Variants in CNTN4 observed in about 807,000 individuals in gnomAD.
CNTN4 encodes the protein contactin 4.
In CNTN4, 77 loss-of-function variants were observed where a neutral mutation model predicts 122.5. The ratio of observed to expected loss-of-function variants is 0.63; its 90% CI spans 0.52 to 0.76. The LOEUF (loss-of-function observed/expected upper bound fraction) is 0.76, where lower values mean the gene tolerates loss of function less well. CNTN4 is among the 30% of genes least tolerant of loss of function. The pLI, the probability that CNTN4 is intolerant of heterozygous loss-of-function variation, is 0.00. For synonymous variants in CNTN4, 512 were observed against 447.0 expected (o/e 1.15, Z -1.83); for missense variants, 1,256 against 1,259.1 (o/e 1.00, Z 0.04).
At chr3:2,546,298 A>G (rs1007376541) in intron 3 of CNTN4, among the ~76,000 whole-genome samples, 24 of 151,584 alleles carry the variant, frequency 1.6e-4, no homozygotes, top group African/African-American at 5.8e-4. Context: ...AGTTTGGTAC[A>G]TATATACAAT....
At chr3:2,759,149 C>G (rs1306822353) in intron 6 of CNTN4, among the ~76,000 whole-genome samples, 1 of 151,980 alleles carries the variant, frequency 6.6e-6, no homozygotes, top group Non-Finnish European at 1.5e-5. Flanking sequence ...TGTATTAGTA[C>G]TTCATTTCTT....
chr3:2,311,094 C>T (rs1211056066), intron 2 of CNTN4, among the ~76,000 whole-genome samples: 2 of 152,020 alleles, frequency 1.3e-5, no homozygotes, highest in Admixed American at 6.6e-5. Context: ...AAAAACACAC[C>T]TACCTTTCCC....
At chr3:2,253,590 A>G (rs1477565906) in intron 2 of CNTN4, among the ~76,000 whole-genome samples, 2 of 151,956 alleles carry the variant, frequency 1.3e-5, no homozygotes, top group Admixed American at 1.3e-4. Context: ...ACTACTACTA[A>G]TCTCATCTTT....
chr3:2,564,135 T>C (rs2079061917), intron 3 of CNTN4, among the ~76,000 whole-genome samples: 1 of 152,188 alleles, frequency 6.6e-6, no homozygotes, highest in Non-Finnish European at 1.5e-5. Context: ...ATAAGCATGT[T>C]ATTTTTTCAA....
chr3:2,313,573 A>G lies in CNTN4; in HGVS notation c.-144-25605A>G, dbSNP rs144707325. 3.1e-3 allele frequency among the ~76,000 whole-genome samples: 474 copies of G among 152,162 alleles called. 5 individuals are homozygous for G. Among genetic ancestry groups the G allele is most frequent in the African/African-American group, 0.011 (450 of 41,550 alleles). On this transcript the variant is annotated intron_variant, in intron 2 of 24. Coordinates refer to ENST00000418658, the MANE Select transcript of CNTN4 (RefSeq NM_175607.3). ...TTTTAAACACCTGAAACAGAATCTG[A>G]CGCTCAGAATAAATATCAGGGCCGG...
At chr3:2,769,356 C>T (rs1298919996) in intron 6 of CNTN4, among the ~76,000 whole-genome samples, 1 of 151,620 alleles carries the variant, frequency 6.6e-6, no homozygotes, top group Non-Finnish European at 1.5e-5. Flanking sequence ...TCCTAGCTAT[C>T]CTGGTGGCTG....
intron 4 of CNTN4, among the ~76,000 whole-genome samples, chr3:2,588,187 A>C (rs533474688): frequency 6.6e-6 from 1 of 152,312 alleles, no homozygotes; most frequent in South Asian, 2.1e-4. Context: ...GCACGTCCTC[A>C]GAAGACTCTG....
intron 7 of CNTN4, among the ~76,000 whole-genome samples, chr3:2,854,619 C>T (rs2093598630): frequency 6.6e-6 from 1 of 152,058 alleles, no homozygotes; most frequent in Non-Finnish European, 1.5e-5. Flanking sequence ...TTAATTTGTG[C>T]TCGTGATTTA....
At chr3:2,439,230 GAT>G (rs946332118) in intron 3 of CNTN4, among the ~76,000 whole-genome samples, 5 of 152,166 alleles carry the variant, frequency 3.3e-5, no homozygotes, top group African/African-American at 1.2e-4. Context: ...CACACCACCT[GAT>G]AACTTGTAAG....
At chr3:2,249,686 A>G (rs767314547) in intron 2 of CNTN4, among the ~76,000 whole-genome samples, 23 of 151,914 alleles carry the variant, frequency 1.5e-4, no homozygotes, top group Non-Finnish European at 2.8e-4. Context: ...ATGAGATTAA[A>G]TGAGCTGGAA....
At chr3:2,579,159 A>T (rs1434994852) in intron 4 of CNTN4, among the ~76,000 whole-genome samples, 2 of 152,244 alleles carry the variant, frequency 1.3e-5, no homozygotes, top group Non-Finnish European at 1.5e-5. Flanking sequence ...GCCATGCTGG[A>T]TGTCTTAACT....
intron 7 of CNTN4, among the ~76,000 whole-genome samples, chr3:2,856,117 C>G (rs1332186691): frequency 6.6e-6 from 1 of 152,128 alleles, no homozygotes; most frequent in African/African-American, 2.4e-5. Context: ...TGGAATTCCA[C>G]TTCGATTCAA....
At chr3:2,731,715 T>C (rs908450985) in intron 4 of CNTN4, among the ~76,000 whole-genome samples, 7 of 152,358 alleles carry the variant, frequency 4.6e-5, no homozygotes, top group Admixed American at 3.3e-4. Flanking sequence ...TCTCACCCTT[T>C]TGGGGACCCA....
At chr3:2,698,931 G>T (rs1194398108) in intron 4 of CNTN4, among the ~76,000 whole-genome samples, 1 of 152,104 alleles carries the variant, frequency 6.6e-6, no homozygotes, top group East Asian at 1.9e-4. Context: ...GCTGAGGCCG[G>T]AGAATTGCTG....
intron 4 of CNTN4, among the ~76,000 whole-genome samples, chr3:2,577,818 G>C (rs146204797): frequency 1.3e-5 from 2 of 152,102 alleles, no homozygotes; most frequent in Non-Finnish European, 2.9e-5. Context: ...GTGAATGAGC[G>C]CAGAAATTTA....
intron 2 of CNTN4, among the ~76,000 whole-genome samples, chr3:2,117,250 G>A (rs1172355071): frequency 1.3e-5 from 2 of 152,194 alleles, no homozygotes; most frequent in African/African-American, 4.8e-5. Context: ...ACAGAGCTCA[G>A]GGAAACACGT....
At chr3:2,840,653 C>G (rs555224165) in intron 7 of CNTN4, among the ~76,000 whole-genome samples, 2,168 of 144,138 alleles carry the variant, frequency 0.015, 88 homozygotes, top group African/African-American at 0.053. Flanking sequence ...GAGCCAAGAT[C>G]ACACCACTGC....
At chr3:2,570,000 G>A (rs2149484120) in intron 3 of CNTN4, among the ~76,000 whole-genome samples, 1 of 152,038 alleles carries the variant, frequency 6.6e-6, no homozygotes, top group Non-Finnish European at 1.5e-5. Context: ...CCTTGTGTCT[G>A]GCAAGCAGAA....
chr3:2,578,187 C>T (rs2079781404), intron 4 of CNTN4, among the ~76,000 whole-genome samples: 1 of 152,140 alleles, frequency 6.6e-6, no homozygotes, highest in South Asian at 2.1e-4. Flanking sequence ...ACAAAGAATG[C>T]TCATTGGTCT....
Sources: gnomAD v4.1 joint callset for allele counts (sites outside exome capture counted in the v4.1 genomes callset) on GRCh38, gnomAD v4.1.1 for gene constraint, MANE v1.5 for transcripts, NCBI Gene and HGNC (gene_info 2026-07-23, HGNC 2026-07-21) for gene names.